ANO4: variants seen among roughly 807,000 people sequenced by gnomAD.
The protein encoded by ANO4 is anoctamin 4.
In ANO4, 69 loss-of-function variants were observed where a neutral mutation model predicts 141.9. The ratio of observed to expected loss-of-function variants is 0.49; its 90% confidence interval spans 0.40 to 0.59. ANO4 has a LOEUF of 0.59. ANO4 is among the 20% of genes least tolerant of loss of function. The pLI is 0.00. For synonymous variants in ANO4, 350 were observed against 394.3 expected, an observed-to-expected ratio of 0.89 and a Z score of 1.33; for missense variants, 894 against 1,162.2, an observed-to-expected ratio of 0.77 and a Z score of 3.36.
intron 1 of ANO4, among the ~76,000 whole-genome samples, chr12:100,896,847 C>G (rs1450353248): frequency 2.0e-5 from 3 of 152,150 alleles, no homozygotes; most frequent in Non-Finnish European, 4.4e-5. Flanking sequence ...ATGATAGAAG[C>G]TAATGATGGC....
intron 1 of ANO4, among the ~76,000 whole-genome samples, chr12:100,845,202 C>T (rs1490991696): frequency 6.6e-6 from 1 of 151,904 alleles, no homozygotes; most frequent in Non-Finnish European, 1.5e-5. Context: ...GTGAATGGGA[C>T]GTGAGGAAGC....
At chr12:100,792,235 G>C (rs1204273925), upstream of ANO4, among the ~76,000 whole-genome samples, 1 of 152,104 alleles carries the variant, frequency 6.6e-6, no homozygotes, top group African/African-American at 2.4e-5. Context: ...ACAAGCTTCT[G>C]TGAAACAAAG....
intron 2 of ANO4, among the ~76,000 whole-genome samples, chr12:100,738,495 T>A (rs2135463234): frequency 6.6e-6 from 1 of 152,320 alleles, no homozygotes; most frequent in Non-Finnish European, 1.5e-5. Flanking sequence ...AAAAGACTTG[T>A]TAGCTGTGTG....
chr12:100,793,765 A>G (rs1018796992), upstream of ANO4, among the ~76,000 whole-genome samples: 3 of 152,222 alleles, frequency 2.0e-5, no homozygotes, highest in African/African-American at 7.2e-5. Flanking sequence ...ACATCCCTAT[A>G]TAATGTAATC....
At chr12:101,041,286 G>T (rs967347635) in intron 11 of ANO4, among the ~76,000 whole-genome samples, 1 of 152,188 alleles carries the variant, frequency 6.6e-6, no homozygotes, top group African/African-American at 2.4e-5. Context: ...TTGATGAATT[G>T]TGATCCATTC....
In ANO4 at chr12:100,971,419, G is replaced by A. The variant is rs542470128; in HGVS notation, c.557+13G>A. 1.5e-5 allele frequency: 23 copies of A among 1,534,192 alleles called. No homozygotes were observed. The Middle Eastern group carries it at 5.1e-4, about 34-fold the overall frequency. On this transcript the variant is annotated intron_variant, in intron 6 of 27. Coordinates refer to ENST00000392977, the MANE Select transcript of ANO4 (RefSeq NM_001286615.2). ...GAATGCCTTTCAGGTAGGTGGAAAT[G>A]TATTTTATTCCACTCTCTCTGCTGC...
rs147827475 is a variant in ANO4 at position 100,873,908 on chromosome 12, G to A, written c.-140-27738G>A. Among the ~76,000 whole-genome samples the A allele has an allele frequency of 2.9e-4, 44 of 152,326 alleles. No individual in the cohort carries two copies. The East Asian group carries it at 7.3e-3, about 25-fold the overall frequency. On this transcript the variant is annotated intron_variant, in intron 1 of 27. Coordinates refer to ENST00000392977, the MANE Select transcript of ANO4 (RefSeq NM_001286615.2). ...AGGGAAGAGTGGTTTTGCGGACTGG[G>A]CCCAGGGCCCCGCTGACCTGCGCTA...
At chr12:100,784,343 TC>T (rs2033799338) in intron 3 of ANO4, among the ~76,000 whole-genome samples, 1 of 152,092 alleles carries the variant, frequency 6.6e-6, no homozygotes, top group Non-Finnish European at 1.5e-5. Context: ...ACACCCCTTG[TC>T]CCCTTTTGGA....
At chr12:100,951,307 A>G (rs966493074) in intron 5 of ANO4, among the ~76,000 whole-genome samples, 2 of 152,212 alleles carry the variant, frequency 1.3e-5, no homozygotes, top group African/African-American at 2.4e-5. Flanking sequence ...CAGAACTACC[A>G]TTCAACCCAG....
At chr12:101,094,200 A>C (rs2049888015) in intron 17 of ANO4, 56 bp from the exon 18 acceptor site, 1 of 1,404,412 alleles carries the variant, frequency 7.1e-7, no homozygotes, top group Non-Finnish European at 1.0e-6. Flanking sequence ...CTTTGTGATT[A>C]TAGATTTTAT....
intron 1 of ANO4, among the ~76,000 whole-genome samples, chr12:100,891,919 AC>A (rs1215394263): frequency 5.3e-5 from 8 of 151,700 alleles, no homozygotes; most frequent in Admixed American, 3.3e-4. Flanking sequence ...ACTGAGCTCC[AC>A]CCCCCAGCTT....
At chr12:100,974,356 A>G (rs1430433226) in intron 6 of ANO4, among the ~76,000 whole-genome samples, 2 of 151,816 alleles carry the variant, frequency 1.3e-5, no homozygotes, top group Admixed American at 6.6e-5. Context: ...AAATACATAT[A>G]TATATATTTA....
chr12:100,897,047 G>A (rs2040383807), intron 1 of ANO4, among the ~76,000 whole-genome samples: 1 of 152,280 alleles, frequency 6.6e-6, no homozygotes, highest in South Asian at 2.1e-4. Context: ...GCCAAGATTT[G>A]AGCCCAGAAT....
intron 5 of ANO4, among the ~76,000 whole-genome samples, chr12:100,951,021 C>T (rs1200283899): frequency 6.6e-6 from 1 of 152,104 alleles, no homozygotes; most frequent in African/African-American, 2.4e-5. Context: ...GTAAAGATTC[C>T]ATGTTGCTAG....
At position 101,037,083 on chromosome 12, in the gene ANO4, T is replaced by C. The variant is rs1197277128; in HGVS notation, c.842-12T>C. On this transcript the variant is annotated splice_polypyrimidine_tract_variant and intron_variant, in intron 9 of 27. Transcript: ENST00000392977. ...TCTGTATTAATTCAAATGGACTTAT[T>C]TGCTGTTTTAGGTCTGAATCGTTTG... 1 of 1,613,432 alleles carries C rather than the reference T, an allele frequency of 6.2e-7. No homozygotes were observed. Among genetic ancestry groups the C allele is most frequent in the South Asian group, 1.1e-5 (1 of 91,018 alleles).
At chr12:100,762,770 A>T (rs1395989718) in intron 3 of ANO4, among the ~76,000 whole-genome samples, 1 of 152,064 alleles carries the variant, frequency 6.6e-6, no homozygotes, top group Non-Finnish European at 1.5e-5. Context: ...CTGAACACAT[A>T]CTCTGTGCCA....
intron 1 of ANO4, among the ~76,000 whole-genome samples, chr12:100,719,188 AT>A (rs999183685): frequency 2.8e-4 from 43 of 152,238 alleles, no homozygotes; most frequent in African/African-American, 9.6e-4. Flanking sequence ...GCATATTTCA[AT>A]AAAAATATCA....
intron 1 of ANO4, among the ~76,000 whole-genome samples, chr12:100,810,394 T>A (rs1489892775): frequency 6.6e-6 from 1 of 151,862 alleles, no homozygotes; most frequent in Non-Finnish European, 1.5e-5. Flanking sequence ...GTGGAGGAGG[T>A]GGCTTAAGTA....
intron 1 of ANO4, among the ~76,000 whole-genome samples, chr12:100,814,841 T>C (rs7137318): frequency 0.52 from 78,749 of 151,900 alleles, 21,033 homozygotes; most frequent in African/African-American, 0.65. Flanking sequence ...TGACATTATC[T>C]CCTGATGGGA....
Sources: allele counts gnomAD v4.1 joint callset (sites outside exome capture counted in the v4.1 genomes callset), GRCh38; gene constraint gnomAD v4.1.1; transcripts MANE v1.5; gene names NCBI Gene and HGNC (gene_info 2026-07-23, HGNC 2026-07-21).